GSG1L: variants seen among roughly 807,000 people sequenced by gnomAD.
GSG1L encodes the protein germ cell-specific gene 1-like protein.
GSG1L carries 24 observed loss-of-function variants against 42.1 expected under a neutral mutation model. The observed-to-expected ratio is 0.57, with a 90% CI of 0.41 to 0.80. The LOEUF (loss-of-function observed/expected upper bound fraction) is 0.80. Ranked by LOEUF, GSG1L falls within the 30% of genes least tolerant of loss-of-function variation. The probability of loss-of-function intolerance (pLI) is 0.00; values close to 1 mark genes in which losing one functional copy is unlikely to be tolerated. For missense variants in GSG1L, 445 were observed against 472.2 expected (o/e 0.94, Z 0.53); for synonymous variants, 215 against 203.5 (o/e 1.06, Z -0.48).
At chr16:28,046,341 CTTTTTTTTTTTTTTTT>C (rs201480876) in intron 1 of GSG1L, among the ~76,000 whole-genome samples, 1 of 76,002 alleles carries the variant, frequency 1.3e-5, no homozygotes, top group Admixed American at 1.7e-4. Context: ...GAAGTCCACT[CTTTTTTTTTTTTTTTT>C]TTTTTTTTTT....
intron 1 of GSG1L, among the ~76,000 whole-genome samples, chr16:28,062,665 T>G (rs546952961): frequency 6.6e-6 from 1 of 152,186 alleles, no homozygotes; most frequent in South Asian, 2.1e-4. Flanking sequence ...CCAGGGGCGT[T>G]CCGGGGTGGG....
chr16:27,927,104 C>A (rs2084602677), intron 2 of GSG1L, among the ~76,000 whole-genome samples: 1 of 152,092 alleles, frequency 6.6e-6, no homozygotes, highest in Non-Finnish European at 1.5e-5. Context: ...CCCCTCCAAT[C>A]TACTCCCAAC....
chr16:27,867,760 G>A (rs1426827202), intron 3 of GSG1L, among the ~76,000 whole-genome samples: 2 of 151,986 alleles, frequency 1.3e-5, no homozygotes, highest in African/African-American at 4.8e-5. Context: ...GATCTCCGGC[G>A]GCCCCACCCA....
chr16:28,021,418 C>T (rs1382783917), intron 1 of GSG1L, among the ~76,000 whole-genome samples: 1 of 152,172 alleles, frequency 6.6e-6, no homozygotes, highest in East Asian at 1.9e-4. Flanking sequence ...CACTATAGTG[C>T]TCCTATGGCT....
rs1168132448 is a variant in GSG1L, at chr16:27,789,581, GATGA to G, written c.*1785_*1788del. 1 of 152,102 alleles carries G rather than the reference GATGA, an allele frequency of 6.6e-6. No individual in the cohort carries two copies. Among genetic ancestry groups the G allele is most frequent in the Non-Finnish European group, 1.5e-5 (1 of 68,014 alleles). The allele number at this position is 152,102 out of a possible 1,614,324, so 9.4% of individuals were successfully genotyped here. On this transcript the variant is annotated 3_prime_UTR_variant, in exon 7 of 7. Coordinates refer to ENST00000447459, the MANE Select transcript of GSG1L (RefSeq NM_001109763.2). ...ATGCATAATGGTTGAATGGATAAGG[GATGA>G]ATGGATGATGGATAGATGGAGGAAT...
intron 1 of GSG1L, among the ~76,000 whole-genome samples, chr16:27,986,922 G>A (rs2085391487): frequency 6.6e-6 from 1 of 152,242 alleles, no homozygotes; most frequent in Non-Finnish European, 1.5e-5. Context: ...CATCTAAAAT[G>A]AAATTGGTCT....
chr16:27,969,211 C>CA (rs1425552153), intron 1 of GSG1L, among the ~76,000 whole-genome samples: 1 of 152,196 alleles, frequency 6.6e-6, no homozygotes, highest in Non-Finnish European at 1.5e-5. Flanking sequence ...ACCATCACCA[C>CA]AATCAATTTT....
intron 5 of GSG1L, among the ~76,000 whole-genome samples, chr16:27,820,403 G>A (rs190281852): frequency 6.4e-4 from 98 of 152,208 alleles, no homozygotes; most frequent in Non-Finnish European, 3.7e-4. Flanking sequence ...GGTGGGTGCC[G>A]TGCCAGGCTG....
intron 1 of GSG1L, among the ~76,000 whole-genome samples, chr16:28,035,583 C>T (rs1389719480): frequency 6.6e-6 from 1 of 152,194 alleles, no homozygotes; most frequent in Non-Finnish European, 1.5e-5. Flanking sequence ...AAGCACTTTG[C>T]TACTGTAAGT....
chr16:27,952,515 G>T (rs774248706), intron 2 of GSG1L, among the ~76,000 whole-genome samples: 1 of 152,252 alleles, frequency 6.6e-6, no homozygotes, highest in Non-Finnish European at 1.5e-5. Context: ...GGCATGAGAG[G>T]TGATGGATAG....
chr16:27,960,326 C>T (rs1024841183), intron 2 of GSG1L, among the ~76,000 whole-genome samples: 1 of 152,166 alleles, frequency 6.6e-6, no homozygotes, highest in African/African-American at 2.4e-5. Flanking sequence ...GTTTCCTCAC[C>T]TGTAAAATGG....
chr16:27,855,166 T>C (rs1364972120), intron 3 of GSG1L, among the ~76,000 whole-genome samples: 1 of 152,176 alleles, frequency 6.6e-6, no homozygotes, highest in Non-Finnish European at 1.5e-5. Context: ...CTGCAAGGGA[T>C]CCTCCCCCTG....
Position 27,888,472 on chromosome 16 carries a change from C to CTT in GSG1L, c.398-3835_398-3834insAA, listed in dbSNP as rs1567505795. Among the ~76,000 whole-genome samples, 261 of 61,706 alleles carry CTT rather than the reference C, an allele frequency of 4.2e-3. 11 individuals are homozygous for CTT. Among genetic ancestry groups the CTT allele is most frequent in the South Asian group, 6.5e-3 (10 of 1,546 alleles). The allele number at this position is 61,706 out of a possible 152,430, so 40.5% of individuals were successfully genotyped here. ...TCTTTCTTTCTTTCTTTCTCTCTCTCTCTCTCTTTCCTTTCTTTCTTTCTT... is the reference window on the plus strand; with the variant it reads ...TCTTTCTTTCTTTCTTTCTCTCTCTCTTTCTCTCTTTCCTTTCTTTCTTTCTT... On this transcript the variant is annotated intron_variant, in intron 2 of 6. Coordinates refer to ENST00000447459, the MANE Select transcript of GSG1L (RefSeq NM_001109763.2).
chr16:27,867,707 C>T (rs959061056), intron 3 of GSG1L, among the ~76,000 whole-genome samples: 3 of 152,190 alleles, frequency 2.0e-5, no homozygotes, highest in Admixed American at 1.3e-4. Flanking sequence ...CTGCCCTCTA[C>T]TGGCCACCAG....
intron 1 of GSG1L, among the ~76,000 whole-genome samples, chr16:28,006,899 T>C (rs994845896): frequency 5.3e-5 from 8 of 151,552 alleles, no homozygotes; most frequent in Non-Finnish European, 1.2e-4. Context: ...GGAACAGGAG[T>C]GGGACCCACA....
chr16:27,836,657 T>G (rs2083324315), intron 4 of GSG1L, among the ~76,000 whole-genome samples: 1 of 152,172 alleles, frequency 6.6e-6, no homozygotes, highest in South Asian at 2.1e-4. Context: ...CCATTGAGCT[T>G]TCTATTTTGG....
At chr16:27,869,611 C>T in intron 3 of GSG1L, among the ~76,000 whole-genome samples, 1 of 144,500 alleles carries the variant, frequency 6.9e-6, no homozygotes, top group Non-Finnish European at 1.5e-5. Flanking sequence ...CTGTCTCCAT[C>T]TCTCTCTCCT....
chr16:28,002,774 C>CAAA (rs753093273), intron 1 of GSG1L, among the ~76,000 whole-genome samples: 3 of 133,112 alleles, frequency 2.3e-5, no homozygotes, highest in Non-Finnish European at 4.9e-5. Context: ...ACTAAAAATA[C>CAAA]AAAAAAAAAA....
At chr16:27,803,923 A>T (rs1567460619) in intron 6 of GSG1L, among the ~76,000 whole-genome samples, 1 of 151,702 alleles carries the variant, frequency 6.6e-6, no homozygotes, top group Non-Finnish European at 1.5e-5. Flanking sequence ...CGATTGATAG[A>T]TGATGGATGG....
Sources: gnomAD v4.1 joint callset for allele counts (sites outside exome capture counted in the v4.1 genomes callset) on GRCh38, gnomAD v4.1.1 for gene constraint, MANE v1.5 for transcripts, NCBI Gene and HGNC (gene_info 2026-07-23, HGNC 2026-07-21) for gene names.